The following CMIP variants were observed in gnomAD, a reference collection of about 807,000 sequenced individuals.
The protein encoded by CMIP is C-Maf-inducing protein.
CMIP carries 13 observed loss-of-function variants against 97.3 expected under a neutral mutation model. The ratio of observed to expected loss-of-function variants is 0.13; its 90% CI spans 0.09 to 0.21. The LOEUF (loss-of-function observed/expected upper bound fraction) is 0.21, where lower values mean the gene tolerates loss of function less well. Among genes scored for constraint, CMIP ranks in the 10% least tolerant of loss-of-function variants. The pLI, the probability that CMIP is intolerant of heterozygous loss-of-function variation, is 1.00. For synonymous variants in CMIP, 538 were observed against 436.3 expected (o/e 1.23, Z -2.91); for missense variants, 847 against 1,024.9 (o/e 0.83, Z 2.37).
chr16:81,603,511 G>T (rs546663513), intron 1 of CMIP: 2 of 449,656 alleles, frequency 4.4e-6, no homozygotes, highest in Non-Finnish European at 8.9e-6. Context: ...TAGTCTGTGG[G>T]CTGCGTTTGT....
chr16:81,598,452 C>A (rs947483998), intron 1 of CMIP, among the ~76,000 whole-genome samples: 1 of 152,204 alleles, frequency 6.6e-6, no homozygotes, highest in African/African-American at 2.4e-5. Flanking sequence ...AGATACGGAG[C>A]GTTTGCATCA....
intron 1 of CMIP, among the ~76,000 whole-genome samples, chr16:81,540,765 C>G (rs1442488806): frequency 6.8e-6 from 1 of 147,350 alleles, no homozygotes; most frequent in South Asian, 2.2e-4. Flanking sequence ...ACTGCAGCCT[C>G]CGCCTCCCAG....
intron 1 of CMIP, among the ~76,000 whole-genome samples, chr16:81,489,916 C>G (rs2089378935): frequency 6.6e-6 from 1 of 152,246 alleles, no homozygotes; most frequent in Admixed American, 6.5e-5. Context: ...GTCCTGAAAT[C>G]TGCAGTTTCT....
At chr16:81,457,074 C>T (rs1906594162) in intron 1 of CMIP, among the ~76,000 whole-genome samples, 1 of 152,146 alleles carries the variant, frequency 6.6e-6, no homozygotes, top group African/African-American at 2.4e-5. Flanking sequence ...TCAAAGTCTA[C>T]TGTGGAGCGA....
At position 81,614,634 on chromosome 16, in the gene CMIP, C is replaced by T. The variant is rs1403890487; in HGVS notation, c.427-6242C>T. 6.6e-6 allele frequency among the ~76,000 whole-genome samples: 1 copy of T among 151,868 alleles called. No homozygotes were observed. Among genetic ancestry groups the T allele is most frequent in the Non-Finnish European group, 1.5e-5 (1 of 67,966 alleles). On this transcript the variant is annotated intron_variant, in intron 2 of 20. Transcript: ENST00000537098. The surrounding 1 kb of genome is among the most constrained non-coding windows in gnomAD (Gnocchi z 5.3). ...AGATTCCAAAACTACCTGCACAGTC[C>T]TGCGTGTGGGACTGTGGTGTGTGTG...
chr16:81,534,643 T>TA (rs66515043), intron 1 of CMIP, among the ~76,000 whole-genome samples: 2,868 of 146,548 alleles, frequency 0.02, 77 homozygotes, highest in African/African-American at 0.061. Flanking sequence ...ACATTCCCCA[T>TA]AAAAAAAAAA....
intron 3 of CMIP, among the ~76,000 whole-genome samples, chr16:81,635,661 T>C (rs2092224610): frequency 6.6e-6 from 1 of 152,234 alleles, no homozygotes; most frequent in Admixed American, 6.5e-5. Context: ...TGTATTTGAT[T>C]ATCCGTGACC....
chr16:81,515,628 G>A (rs2089898020), intron 1 of CMIP, among the ~76,000 whole-genome samples: 1 of 152,172 alleles, frequency 6.6e-6, no homozygotes, highest in Admixed American at 6.6e-5. Flanking sequence ...AGCATCACCG[G>A]CTTTATTCTT....
chr16:81,671,173 T>C (rs1273164828), intron 8 of CMIP, among the ~76,000 whole-genome samples: 1 of 152,184 alleles, frequency 6.6e-6, no homozygotes, highest in Non-Finnish European at 1.5e-5. Context: ...TTTAAACAAG[T>C]TCTGAAGCTA....
chr16:81,471,228 A>G (rs888852274), intron 1 of CMIP, among the ~76,000 whole-genome samples: 15 of 152,228 alleles, frequency 9.9e-5, no homozygotes, highest in African/African-American at 3.4e-4. Flanking sequence ...ATGTACACAT[A>G]CATGCACACA....
chr16:81,490,081 G>A (rs2089381797), intron 1 of CMIP, among the ~76,000 whole-genome samples: 1 of 152,186 alleles, frequency 6.6e-6, no homozygotes, highest in Admixed American at 6.5e-5. Context: ...GCACGCCTGT[G>A]CCAGAGGCCT....
At chr16:81,619,370 A>C (rs1395867253) in intron 2 of CMIP, 3 of 152,294 alleles carry the variant, frequency 2.0e-5, no homozygotes, top group African/African-American at 7.2e-5. Flanking sequence ...CTCGGAGAGC[A>C]GCTGATGTTT....
chr16:81,620,517 A>T (rs1251765035), intron 2 of CMIP: 1 of 240,532 alleles, frequency 4.2e-6, no homozygotes, highest in Admixed American at 5.0e-5. Context: ...GCCAGCCCCC[A>T]CCATCCTCAC....
At chr16:81,568,779 C>T (rs1409127516) in intron 1 of CMIP, among the ~76,000 whole-genome samples, 2 of 152,152 alleles carry the variant, frequency 1.3e-5, no homozygotes, top group Non-Finnish European at 2.9e-5. Flanking sequence ...CGTGGAAAAG[C>T]AGACCAGCAA....
chr16:81,709,473 G>A (rs1049036911), intron 20 of CMIP, among the ~76,000 whole-genome samples: 9 of 152,316 alleles, frequency 5.9e-5, no homozygotes, highest in African/African-American at 1.9e-4. Context: ...TCAAACCCCA[G>A]TGCTTCCACC....
At chr16:81,459,210 A>G (rs1043359156) in intron 1 of CMIP, among the ~76,000 whole-genome samples, 22 of 152,308 alleles carry the variant, frequency 1.4e-4, no homozygotes, top group Admixed American at 1.3e-4. Flanking sequence ...CCCGATGTCA[A>G]TAAAGGCCTT....
At chr16:81,538,653 A>G (rs1339877491) in intron 1 of CMIP, among the ~76,000 whole-genome samples, 1 of 152,196 alleles carries the variant, frequency 6.6e-6, no homozygotes, top group Non-Finnish European at 1.5e-5. Context: ...GTGGTGATCT[A>G]TCCTCTGCCA....
At chr16:81,578,633 G>T (rs578014813) in intron 1 of CMIP, among the ~76,000 whole-genome samples, 1 of 152,330 alleles carries the variant, frequency 6.6e-6, no homozygotes, top group Admixed American at 6.5e-5. Context: ...CCATGCCATG[G>T]GCTGGTGTGT....
Position 81,445,523 on chromosome 16 carries a change from C to T in CMIP, c.282C>T (p.Asn94=), listed in dbSNP as rs1015285850. Residue 94 remains asparagine (N), a synonymous_variant, in exon 1 of 21, where the codon AAC becomes AAT. Coordinates refer to ENST00000537098, the MANE Select transcript of CMIP (RefSeq NM_198390.3). The part of the protein sequence containing the change: ...WEPHHLTLAD[N]SLASATPTGY... ...CGCACCACCTAACGCTGGCCGACAA[C>T]AGCCTGGCGTCCGCCACGGTGAGTG... 4 of 1,549,062 alleles carry T rather than the reference C, an allele frequency of 2.6e-6. No individual in the cohort carries two copies. In the African/African-American group the frequency reaches 4.1e-5, roughly 16 times the overall value.
Sources: allele counts gnomAD v4.1 joint callset (sites outside exome capture counted in the v4.1 genomes callset), GRCh38; gene constraint gnomAD v4.1.1; non-coding constraint Gnocchi (gnomAD v3.1); transcripts MANE v1.5; gene names NCBI Gene and HGNC (gene_info 2026-07-23, HGNC 2026-07-21).